ABCA12: variants seen among roughly 807,000 people sequenced by gnomAD.
The protein encoded by ABCA12 is glucosylceramide transporter ABCA12.
A neutral mutation model predicts 293.5 loss-of-function variants in ABCA12; 156 were observed. The ratio of observed to expected loss-of-function variants is 0.53; its 90% CI spans 0.47 to 0.61. The LOEUF is 0.61. Ranked by LOEUF, ABCA12 falls within the 20% of genes least tolerant of loss-of-function variation. The pLI, the probability that ABCA12 is intolerant of heterozygous loss-of-function variation, is 0.00. For synonymous variants in ABCA12, 1,063 were observed against 1,108.0 expected, an observed-to-expected ratio of 0.96 and a Z score of 0.81; for missense variants, 2,797 against 3,090.2, an observed-to-expected ratio of 0.91 and a Z score of 2.25.
At chr2:215,101,647 G>A (rs539938399) in intron 2 of ABCA12, among the ~76,000 whole-genome samples, 2 of 152,084 alleles carry the variant, frequency 1.3e-5, no homozygotes, top group East Asian at 3.9e-4. Context: ...ATCTTATTTT[G>A]GACAGTATGA....
chr2:214,975,852 TG>T lies in ABCA12; in HGVS notation c.5313del (p.Ser1771ArgfsTer48). 1 of 1,614,122 alleles carries T rather than the reference TG, an allele frequency of 6.2e-7. No homozygotes were observed. On this transcript the variant is annotated frameshift_variant, in exon 34 of 53. Transcript: ENST00000272895. LOFTEE classifies it high-confidence loss of function. Reference protein sequence around the residue: ...AMGLGTLRNSSNSYPEIQISP... With the variant: ...AMGLGTLRNSXNSYPEIQISP... ...GAGATCTGAATCTCTGGATAACTGT[TG>T]CTGGAATTTCTCAGTGTGCCAAGGC...
At chr2:215,086,453 G>A (rs1702039268) in intron 2 of ABCA12, among the ~76,000 whole-genome samples, 1 of 152,184 alleles carries the variant, frequency 6.6e-6, no homozygotes, top group Non-Finnish European at 1.5e-5. Flanking sequence ...TAGGTAGCAT[G>A]AGGGGTGTTG....
chr2:215,110,739 T>A (rs1702555804), intron 2 of ABCA12, among the ~76,000 whole-genome samples: 1 of 152,228 alleles, frequency 6.6e-6, no homozygotes, highest in Non-Finnish European at 1.5e-5. Context: ...CTTTTTACTC[T>A]CTTTACAAAA....
At chr2:214,993,993 C>T (rs1219416688) in intron 23 of ABCA12, among the ~76,000 whole-genome samples, 2 of 152,034 alleles carry the variant, frequency 1.3e-5, no homozygotes, top group Admixed American at 6.6e-5. Flanking sequence ...TTTGCTTTTT[C>T]CTGAAACAGG....
At chr2:215,011,112 G>A (rs1186823679) in intron 17 of ABCA12, among the ~76,000 whole-genome samples, 1 of 152,176 alleles carries the variant, frequency 6.6e-6, no homozygotes, top group East Asian at 1.9e-4. Flanking sequence ...AGAAGGCTCA[G>A]TGATGACTGA....
chr2:215,064,518 A>G (rs1409952521), intron 2 of ABCA12, among the ~76,000 whole-genome samples: 1 of 152,106 alleles, frequency 6.6e-6, no homozygotes, highest in Non-Finnish European at 1.5e-5. Flanking sequence ...AGGTAGTTGC[A>G]AGAATGTTTG....
At chr2:215,109,850 A>T (rs1209419650) in intron 2 of ABCA12, among the ~76,000 whole-genome samples, 1 of 152,208 alleles carries the variant, frequency 6.6e-6, no homozygotes, top group African/African-American at 2.4e-5. Flanking sequence ...AAAGTCCTTA[A>T]AAACAAGAAA....
chr2:215,059,429 C>T (rs564544323), intron 3 of ABCA12, among the ~76,000 whole-genome samples: 4 of 152,064 alleles, frequency 2.6e-5, no homozygotes, highest in Non-Finnish European at 5.9e-5. Flanking sequence ...GTCATCCATA[C>T]TTCAGCTATG....
At chr2:214,948,486 T>G in intron 47 of ABCA12, 110 bp downstream of exon 47, 2 of 1,188,150 alleles carry the variant, frequency 1.7e-6, no homozygotes, top group Non-Finnish European at 1.2e-6. Flanking sequence ...TTCCAGGTGG[T>G]TTTGAGGGGA....
chr2:215,102,611 A>G (rs1479946899), intron 2 of ABCA12, among the ~76,000 whole-genome samples: 1 of 152,214 alleles, frequency 6.6e-6, no homozygotes, highest in Admixed American at 6.5e-5. Flanking sequence ...AAAAATAAAA[A>G]TAAACTCTAA....
intron 3 of ABCA12, 61 bp from the exon 4 acceptor site, chr2:215,054,725 G>A (rs1167778170): frequency 7.8e-7 from 1 of 1,284,722 alleles, no homozygotes; most frequent in African/African-American, 1.5e-5. Flanking sequence ...TTACAGCAAT[G>A]TATTATGTGG....
Position 215,109,616 on chromosome 2 carries a change from C to A in ABCA12, c.163+1981G>T, listed in dbSNP as rs981917217. ...AAAGTTATTCATCTCCTCCCTGATA[C>A]AATGTTTTTTCAGAGCCCTTTAGAT... On this transcript the variant is annotated intron_variant, in intron 2 of 52. Coordinates refer to ENST00000272895, the MANE Select transcript of ABCA12 (RefSeq NM_173076.3). 3.3e-5 allele frequency among the ~76,000 whole-genome samples: 5 copies of A among 152,262 alleles called. No homozygotes were observed. In the South Asian group the frequency reaches 6.2e-4, roughly 19 times the overall value.
In ABCA12 at chr2:214,970,410, A is replaced by G; in HGVS notation, c.5563-10T>C. 1 of 1,612,920 alleles carries G rather than the reference A, an allele frequency of 6.2e-7. No homozygotes were observed. Among genetic ancestry groups the G allele is most frequent in the Non-Finnish European group, 8.5e-7 (1 of 1,179,174 alleles). On this transcript the variant is annotated splice_polypyrimidine_tract_variant and intron_variant, in intron 36 of 52. Transcript: ENST00000272895. ...TAAATTTAGGACATTCCTGGAAAATAAAGTTAAAAATGAATTTTTTTCTGG... is the reference window on the plus strand; with the variant it reads ...TAAATTTAGGACATTCCTGGAAAATGAAGTTAAAAATGAATTTTTTTCTGG...
intron 3 of ABCA12, among the ~76,000 whole-genome samples, chr2:215,058,951 T>C (rs992517677): frequency 1.2e-4 from 19 of 152,044 alleles, no homozygotes; most frequent in Non-Finnish European, 2.5e-4. Context: ...GTAAAATGCA[T>C]GTACTTCCAC....
intron 30 of ABCA12, 101 bp downstream of exon 30, chr2:214,982,086 A>G: frequency 8.1e-7 from 1 of 1,239,110 alleles, no homozygotes; most frequent in Non-Finnish European, 1.2e-6. Context: ...TGCTGGGATT[A>G]TAGGCGTGAG....
At chr2:214,995,950 G>A (rs2105982927) in intron 23 of ABCA12, among the ~76,000 whole-genome samples, 1 of 152,290 alleles carries the variant, frequency 6.6e-6, no homozygotes, top group East Asian at 1.9e-4. Context: ...ATGAAGTCTA[G>A]ATGATCAGAC....
At chr2:215,061,886 TTAGA>T (rs1323892959) in intron 3 of ABCA12, among the ~76,000 whole-genome samples, 1 of 151,920 alleles carries the variant, frequency 6.6e-6, no homozygotes, top group African/African-American at 2.4e-5. Flanking sequence ...GTCTATAATA[TTAGA>T]TAGACAAATA....
chr2:214,989,970 A>T (rs1253158721), intron 24 of ABCA12, among the ~76,000 whole-genome samples: 1 of 152,238 alleles, frequency 6.6e-6, no homozygotes, highest in African/African-American at 2.4e-5. Context: ...GTTAAGGGCC[A>T]GAAGGCATTT....
intron 29 of ABCA12, 64 bp from the exon 30 acceptor site, chr2:214,982,447 C>A (rs2105966867): frequency 1.5e-6 from 2 of 1,361,578 alleles, no homozygotes; most frequent in African/African-American, 1.4e-5. Flanking sequence ...TGGAAACATA[C>A]AATAACCCTA....
Sources: allele counts gnomAD v4.1 joint callset (sites outside exome capture counted in the v4.1 genomes callset), GRCh38; gene constraint gnomAD v4.1.1; transcripts MANE v1.5; gene names NCBI Gene and HGNC (gene_info 2026-07-23, HGNC 2026-07-21).